RNF125: variants seen among roughly 807,000 people sequenced by gnomAD.
RNF125 encodes the protein E3 ubiquitin-protein ligase RNF125.
Under a neutral mutation model 26.0 loss-of-function variants are expected in RNF125, and 21 were observed. The observed-to-expected ratio is 0.81, with a 90% CI of 0.57 to 1.16. RNF125 has a LOEUF of 1.16. Ranked by LOEUF, RNF125 falls within the 50% of genes most tolerant of loss-of-function variation. The probability of loss-of-function intolerance (pLI) is 0.00; values close to 1 mark genes in which losing one functional copy is unlikely to be tolerated. For synonymous variants in RNF125, 95 were observed against 109.2 expected (o/e 0.87, Z 0.81); for missense variants, 270 against 299.4 (o/e 0.90, Z 0.72).
At chr18:32,033,693 C>A (rs1484174699) in intron 1 of RNF125, among the ~76,000 whole-genome samples, 1 of 151,410 alleles carries the variant, frequency 6.6e-6, no homozygotes, top group Non-Finnish European at 1.5e-5. Flanking sequence ...GTGGCGCATG[C>A]CTGTAATCCC....
downstream of RNF125, chr18:32,076,351 C>G (rs947953691): frequency 7.3e-6 from 2 of 273,824 alleles, no homozygotes; most frequent in Admixed American, 5.0e-5. Context: ...GGGTCTCACT[C>G]TGTCTTCCAG....
intron 2 of RNF125, among the ~76,000 whole-genome samples, chr18:32,040,840 A>G (rs914801614): frequency 2.6e-5 from 4 of 152,208 alleles, no homozygotes; most frequent in African/African-American, 9.6e-5. Flanking sequence ...GACATGAGAG[A>G]ACCCTAATGT....
intron 4 of RNF125, among the ~76,000 whole-genome samples, chr18:32,050,619 A>G (rs2039314333): frequency 2.6e-5 from 4 of 152,094 alleles, no homozygotes; most frequent in South Asian, 4.1e-4. Context: ...GTTTACAGGC[A>G]TGAGCCACTA....
the RNF125 span, among the ~76,000 whole-genome samples, chr18:32,084,137 C>T: frequency 1.3e-5 from 2 of 152,144 alleles, no homozygotes; most frequent in Admixed American, 6.5e-5. Flanking sequence ...AGGTGGATCA[C>T]CTGAGGTCAG....
chr18:32,075,263 T>C (rs547091580), downstream of RNF125, among the ~76,000 whole-genome samples: 14 of 152,240 alleles, frequency 9.2e-5, no homozygotes, highest in African/African-American at 3.4e-4. Context: ...ATTTAAGAAA[T>C]TGTCCATTTC....
At chr18:32,051,605 G>T (rs1405662664) in intron 4 of RNF125, among the ~76,000 whole-genome samples, 2 of 98,166 alleles carry the variant, frequency 2.0e-5, no homozygotes, top group Non-Finnish European at 1.9e-5. Flanking sequence ...ACAAGAGCAA[G>T]ACTCAGTCTT....
rs572230769 is a variant in RNF125, at chr18:32,072,254, A to T, written c.*3870A>T. 19 of 152,280 alleles carry T rather than the reference A, an allele frequency of 1.2e-4. No homozygotes were observed. Among genetic ancestry groups the T allele is most frequent in the Admixed American group, 2.6e-4 (4 of 15,300 alleles). The allele number at this position is 152,280 out of a possible 1,614,324, so 9.4% of individuals were successfully genotyped here. ...AAAATAAAGCAAAATCTGTTGGGAA[A>T]CGAGAAAAAGGAGAGGAATTTTTCA... On this transcript the variant is annotated 3_prime_UTR_variant, in exon 6 of 6. Transcript: ENST00000217740.
At chr18:32,043,470 C>G (rs915618880) in intron 3 of RNF125, among the ~76,000 whole-genome samples, 8 of 152,140 alleles carry the variant, frequency 5.3e-5, no homozygotes, top group African/African-American at 1.9e-4. Flanking sequence ...TACTAGAGAT[C>G]GCCTTGCAAA....
At chr18:32,077,153 GATGATAT>G (rs373196668), downstream of RNF125, among the ~76,000 whole-genome samples, 23 of 152,078 alleles carry the variant, frequency 1.5e-4, no homozygotes, top group East Asian at 4.3e-3. Context: ...GAGACCTACT[GATGATAT>G]ATACACATAT....
downstream of RNF125, among the ~76,000 whole-genome samples, chr18:32,073,751 T>G (rs1306418202): frequency 6.6e-6 from 1 of 152,186 alleles, no homozygotes; most frequent in Non-Finnish European, 1.5e-5. Context: ...CAAGTGTTAC[T>G]GACGAAACCT....
intron 1 of RNF125, among the ~76,000 whole-genome samples, chr18:32,032,380 A>AT (rs774835666): frequency 0.11 from 15,708 of 140,006 alleles, 1,925 homozygotes; most frequent in African/African-American, 0.32. Context: ...GCCTGGCTGT[A>AT]TTTTTTTTTT....
intron 1 of RNF125, among the ~76,000 whole-genome samples, chr18:32,023,017 C>G (rs1043999637): frequency 1.3e-4 from 20 of 152,060 alleles, no homozygotes; most frequent in East Asian, 1.2e-3. Context: ...AGATCTCACT[C>G]TGCCACCCAG....
chr18:32,077,333 C>CA (rs2039576885), downstream of RNF125, among the ~76,000 whole-genome samples: 1 of 94,498 alleles, frequency 1.1e-5, no homozygotes, highest in Non-Finnish European at 2.3e-5. Flanking sequence ...CCCCTCTCCC[C>CA]ATTTTTTTTT....
rs1598829720 is a variant in RNF125 at position 32,069,237 on chromosome 18, G to A, written c.*853G>A. ...AAAAAAAAATCCATTTAACCAAATT[G>A]TCTTACATAATACTGTAACAAAACA... On this transcript the variant is annotated 3_prime_UTR_variant, in exon 6 of 6. Coordinates refer to ENST00000217740, the MANE Select transcript of RNF125 (RefSeq NM_017831.4). 1 of 148,434 alleles carries A rather than the reference G, an allele frequency of 6.7e-6. No homozygotes were observed. Among genetic ancestry groups the A allele is most frequent in the Non-Finnish European group, 1.5e-5 (1 of 67,300 alleles). 9.2% of individuals were successfully genotyped at this position (148,434 alleles called of 1,614,324 possible).
chr18:32,032,613 C>T (rs897936400), intron 1 of RNF125, among the ~76,000 whole-genome samples: 5 of 151,990 alleles, frequency 3.3e-5, no homozygotes, highest in East Asian at 1.9e-4. Flanking sequence ...TCAAGCAGGA[C>T]GTGGGCAGAC....
downstream of RNF125, chr18:32,076,345 C>T (rs558232425): frequency 3.6e-6 from 1 of 278,416 alleles, no homozygotes; most frequent in East Asian, 1.0e-4. Context: ...GAAACAGGGT[C>T]TCACTCTGTC....
At chr18:32,088,224 C>T in the RNF125 span, among the ~76,000 whole-genome samples, 1 of 152,190 alleles carries the variant, frequency 6.6e-6, no homozygotes, top group Admixed American at 6.5e-5. Flanking sequence ...GAAAATGGTA[C>T]TGGTACAAAC....
intron 4 of RNF125, among the ~76,000 whole-genome samples, chr18:32,051,703 TTTTTTTG>T: frequency 7.0e-6 from 1 of 143,470 alleles, no homozygotes; most frequent in Non-Finnish European, 1.5e-5. Context: ...TCTTTTTTTT[TTTTTTTG>T]TTTGAGATAG....
At chr18:32,082,514 C>A in the RNF125 span, among the ~76,000 whole-genome samples, 1 of 152,156 alleles carries the variant, frequency 6.6e-6, no homozygotes, top group Non-Finnish European at 1.5e-5. Context: ...ATAGAGAAGA[C>A]CTCTCTGCCA....
Sources: allele counts gnomAD v4.1 joint callset (sites outside exome capture counted in the v4.1 genomes callset), GRCh38; gene constraint gnomAD v4.1.1; transcripts MANE v1.5; gene names NCBI Gene and HGNC (gene_info 2026-07-23, HGNC 2026-07-21).